CPNE4: variants seen among roughly 807,000 people sequenced by gnomAD.
CPNE4 encodes copine 4.
In CPNE4, 25 loss-of-function variants were observed where a neutral mutation model predicts 67.9. The observed-to-expected ratio is 0.37, with a 90% CI of 0.27 to 0.51. The LOEUF (loss-of-function observed/expected upper bound fraction) is 0.51, where lower values mean the gene tolerates loss of function less well. Among genes scored for constraint, CPNE4 ranks in the 20% least tolerant of loss-of-function variants. CPNE4 has a pLI of 0.93. For synonymous variants in CPNE4, 242 were observed against 244.9 expected, an observed-to-expected ratio of 0.99 and a Z score of 0.11; for missense variants, 464 against 690.8, an observed-to-expected ratio of 0.67 and a Z score of 3.68.
chr3:131,559,934 A>T (rs192969777), intron 11 of CPNE4, among the ~76,000 whole-genome samples: 1 of 152,186 alleles, frequency 6.6e-6, no homozygotes, highest in East Asian at 1.9e-4. Context: ...CACTATATAA[A>T]CTCATGATGA....
intron 1 of CPNE4, among the ~76,000 whole-genome samples, chr3:132,017,249 G>T (rs913946371): frequency 2.6e-5 from 4 of 152,026 alleles, no homozygotes; most frequent in African/African-American, 7.2e-5. Flanking sequence ...GAAAGGAAAT[G>T]ATAAAAGAGA....
chr3:131,675,732 T>C (rs2080541914), intron 6 of CPNE4, among the ~76,000 whole-genome samples: 1 of 149,362 alleles, frequency 6.7e-6, no homozygotes, highest in Admixed American at 6.7e-5. Context: ...TAAATATCAC[T>C]GGATCTTGTT....
chr3:132,033,351 C>A (rs2074276229), intron 1 of CPNE4, among the ~76,000 whole-genome samples: 1 of 152,078 alleles, frequency 6.6e-6, no homozygotes, highest in Non-Finnish European at 1.5e-5. Context: ...GCTGAGGCAT[C>A]TTTTCCCACA....
intron 1 of CPNE4, among the ~76,000 whole-genome samples, chr3:131,963,118 A>G (rs551631670): frequency 6.6e-6 from 1 of 152,142 alleles, no homozygotes; most frequent in East Asian, 1.9e-4. Context: ...GAAGCAGGGT[A>G]GGGCGTTGCC....
At chr3:131,866,797 G>T (rs962412297) in intron 2 of CPNE4, among the ~76,000 whole-genome samples, 3 of 152,196 alleles carry the variant, frequency 2.0e-5, no homozygotes, top group Non-Finnish European at 4.4e-5. Flanking sequence ...AATTGCTGTT[G>T]TGTAAAGTGA....
At chr3:131,818,132 C>T (rs1397985032) in intron 2 of CPNE4, among the ~76,000 whole-genome samples, 1 of 152,196 alleles carries the variant, frequency 6.6e-6, no homozygotes, top group Admixed American at 6.5e-5. Context: ...CAATGCCTTA[C>T]TGTCAGTGTC....
At chr3:131,651,326 C>T (rs1316607520) in intron 7 of CPNE4, among the ~76,000 whole-genome samples, 1 of 152,152 alleles carries the variant, frequency 6.6e-6, no homozygotes, top group Admixed American at 6.5e-5. Flanking sequence ...CTGTCCACAC[C>T]TAAGGGCACT....
intron 2 of CPNE4, among the ~76,000 whole-genome samples, chr3:131,790,947 CA>C (rs1258172823): frequency 2.6e-5 from 4 of 151,476 alleles, no homozygotes; most frequent in South Asian, 2.1e-4. Flanking sequence ...TAATCTTTAC[CA>C]AAAAAAATTT....
intron 1 of CPNE4, among the ~76,000 whole-genome samples, chr3:132,031,349 CAA>C (rs1222519901): frequency 6.6e-6 from 1 of 152,174 alleles, no homozygotes; most frequent in East Asian, 1.9e-4. Context: ...AAAATATTAA[CAA>C]GACAAAAATG....
At chr3:131,550,978 A>T (rs1041714993) in intron 13 of CPNE4, among the ~76,000 whole-genome samples, 1 of 152,074 alleles carries the variant, frequency 6.6e-6, no homozygotes, top group African/African-American at 2.4e-5. Context: ...CTCATTACAA[A>T]TGATTTTTAT....
At chr3:131,674,751 CA>C (rs1649610159) in intron 6 of CPNE4, among the ~76,000 whole-genome samples, 2 of 151,754 alleles carry the variant, frequency 1.3e-5, no homozygotes, top group Middle Eastern at 3.4e-3. Flanking sequence ...TTTATCTTTT[CA>C]AAAAACTAAC....
At chr3:131,817,866 T>G (rs2084806044) in intron 2 of CPNE4, among the ~76,000 whole-genome samples, 1 of 152,130 alleles carries the variant, frequency 6.6e-6, no homozygotes, top group African/African-American at 2.4e-5. Flanking sequence ...CTCTCCTAAA[T>G]GAAAAGAGTA....
At chr3:131,697,530 C>A (rs1410600611) in intron 4 of CPNE4, among the ~76,000 whole-genome samples, 2 of 152,028 alleles carry the variant, frequency 1.3e-5, no homozygotes, top group African/African-American at 4.8e-5. Context: ...TGGTAATATT[C>A]CAAATATTTT....
At position 131,980,029 on chromosome 3, in the gene CPNE4, C is replaced by T. The variant is rs868765734; in HGVS notation, c.-2+54538G>A. Among the ~76,000 whole-genome samples, 8 of 152,228 alleles carry T rather than the reference C, an allele frequency of 5.3e-5. No homozygotes were observed. In the South Asian group the frequency reaches 1.2e-3, roughly 24 times the overall value. On this transcript the variant is annotated intron_variant, in intron 1 of 15. Transcript: ENST00000429747. Reference sequence around the variant, plus strand: ...AGGAGGCAGAAGATAGGGCCTCAATCCCTTCTGGCTTGTATGGTTTCTGCT... The same window carrying T: ...AGGAGGCAGAAGATAGGGCCTCAATTCCTTCTGGCTTGTATGGTTTCTGCT...
chr3:131,748,969 T>C (rs2082558010), intron 2 of CPNE4, among the ~76,000 whole-genome samples: 1 of 152,060 alleles, frequency 6.6e-6, no homozygotes, highest in Non-Finnish European at 1.5e-5. Flanking sequence ...TTATTTTTGC[T>C]CTTATCTTCA....
intron 1 of CPNE4, among the ~76,000 whole-genome samples, chr3:131,937,756 T>C (rs1176783837): frequency 2.0e-5 from 3 of 152,152 alleles, no homozygotes; most frequent in African/African-American, 7.2e-5. Flanking sequence ...ATTTCTCATA[T>C]AAAGCATCTG....
Position 131,564,350 on chromosome 3 carries a change from C to T in CPNE4, c.928-1G>A. On this transcript the variant is annotated splice_acceptor_variant, in intron 10 of 15. Transcript: ENST00000429747. LOFTEE classifies it high-confidence loss of function. ...TTGAGGCAGTGAAATCTATAGCTAC[C>T]TAAAAGAGAAAAATACAAGAAAAGG... is the stretch of plus-strand genomic sequence containing the variant. The T allele has an allele frequency of 6.2e-7, 1 of 1,607,678 alleles. No homozygotes were observed. The highest frequency in any genetic ancestry group is 8.5e-7 in the Non-Finnish European group (1 of 1,177,572).
At chr3:131,541,302 A>G (rs535068256) in intron 15 of CPNE4, among the ~76,000 whole-genome samples, 40 of 152,266 alleles carry the variant, frequency 2.6e-4, no homozygotes, top group African/African-American at 9.4e-4. Flanking sequence ...AGGTGCAGGG[A>G]TTTGTGGAAA....
At chr3:131,801,949 T>C (rs906934373) in intron 2 of CPNE4, among the ~76,000 whole-genome samples, 1 of 142,844 alleles carries the variant, frequency 7.0e-6, no homozygotes, top group Admixed American at 7.1e-5. Flanking sequence ...AATAAAATGG[T>C]TTTAATCAGA....
Sources: allele counts gnomAD v4.1 joint callset (sites outside exome capture counted in the v4.1 genomes callset), GRCh38; gene constraint gnomAD v4.1.1; transcripts MANE v1.5; gene names NCBI Gene and HGNC (gene_info 2026-07-23, HGNC 2026-07-21).